The following BLM variants were observed in gnomAD, a reference collection of about 807,000 sequenced individuals.
BLM encodes the protein recQ-like DNA helicase BLM.
In BLM, 95 loss-of-function variants were observed where a neutral mutation model predicts 135.3. The ratio of observed to expected loss-of-function variants is 0.70; its 90% CI spans 0.59 to 0.83. The LOEUF (loss-of-function observed/expected upper bound fraction) is 0.83. Ranked by LOEUF, BLM falls within the 40% of genes least tolerant of loss-of-function variation. The pLI is 0.00. For missense variants in BLM, 1,518 were observed against 1,663.9 expected, an observed-to-expected ratio of 0.91 and a Z score of 1.53; for synonymous variants, 520 against 589.2, an observed-to-expected ratio of 0.88 and a Z score of 1.70.
chr15:90,759,955 ACTTT>A, intron 5 of BLM, 188 bp from the exon 6 acceptor site: 1 of 420,650 alleles, frequency 2.4e-6, no homozygotes, highest in Non-Finnish European at 4.3e-6. Context: ...AGATCTTAAG[ACTTT>A]TTTTTTTTTT....
chr15:90,735,226 T>A (rs1895177795), intron 1 of BLM, among the ~76,000 whole-genome samples: 1 of 126,746 alleles, frequency 7.9e-6, no homozygotes. Flanking sequence ...ATCATAAAAG[T>A]GCCTAAGTTA....
chr15:90,796,701 A>G (rs970356279), intron 16 of BLM, among the ~76,000 whole-genome samples: 2 of 152,224 alleles, frequency 1.3e-5, no homozygotes, highest in Non-Finnish European at 2.9e-5. Context: ...ACGTAGTGAC[A>G]GTGAAAATGC....
At chr15:90,793,120 T>C (rs1469033621) in intron 15 of BLM, among the ~76,000 whole-genome samples, 1 of 151,638 alleles carries the variant, frequency 6.6e-6, no homozygotes, top group Non-Finnish European at 1.5e-5. Context: ...AAAAATAATA[T>C]TTTTTAAAAA....
intron 20 of BLM, 67 bp downstream of exon 20, chr15:90,809,326 T>G: frequency 6.2e-7 from 1 of 1,609,810 alleles, no homozygotes; most frequent in Non-Finnish European, 8.5e-7. Flanking sequence ...CTCACTGAAT[T>G]AGAAGGATGC....
intron 5 of BLM, among the ~76,000 whole-genome samples, chr15:90,759,111 T>C (rs1259851569): frequency 1.3e-5 from 2 of 152,220 alleles, no homozygotes; most frequent in African/African-American, 4.8e-5. Context: ...ATTTATTAAA[T>C]ATTATGAAAT....
chr15:90,730,447 T>G (rs193062385), intron 1 of BLM, among the ~76,000 whole-genome samples: 17 of 152,074 alleles, frequency 1.1e-4, no homozygotes, highest in Non-Finnish European at 2.4e-4. Flanking sequence ...AGAGTTGTGT[T>G]TTTTTTTGTT....
chr15:90,793,207 C>G (rs1441292169), intron 15 of BLM, among the ~76,000 whole-genome samples: 2 of 150,280 alleles, frequency 1.3e-5, no homozygotes, highest in Non-Finnish European at 3.0e-5. Flanking sequence ...ACGATCTCAG[C>G]TCACTACAAC....
chr15:90,809,088 G>A (rs1036457560), intron 19 of BLM, 49 bp from the exon 20 acceptor site: 2 of 1,611,124 alleles, frequency 1.2e-6, no homozygotes, highest in Non-Finnish European at 1.7e-6. Flanking sequence ...AATTCAGTGG[G>A]TTTTCTATGG....
At chr15:90,756,338 T>C (rs973575226) in intron 5 of BLM, among the ~76,000 whole-genome samples, 1 of 152,044 alleles carries the variant, frequency 6.6e-6, no homozygotes, top group East Asian at 1.9e-4. Flanking sequence ...CTCCTGACCT[T>C]GTGATCCGCC....
intron 1 of BLM, among the ~76,000 whole-genome samples, chr15:90,734,738 ATTCCTAAATCCTGTATTTTATCT>A (rs1895165892): frequency 6.7e-6 from 1 of 150,270 alleles, no homozygotes; most frequent in South Asian, 2.1e-4. Context: ...GAGAGACTTT[ATTCCTAAATCCTGTATTTTATCT>A]AATAGGAAAA....
At chr15:90,778,709 G>A (rs916933580) in intron 12 of BLM, among the ~76,000 whole-genome samples, 13 of 152,038 alleles carry the variant, frequency 8.6e-5, no homozygotes, top group Non-Finnish European at 1.8e-4. Flanking sequence ...AGACGTCTAC[G>A]ACATTTTATT....
chr15:90,808,884 CCTCCTGCCCTGG>C, intron 19 of BLM: 1 of 549,788 alleles, frequency 1.8e-6, no homozygotes, highest in East Asian at 3.2e-5. Context: ...CCCTCAGCTT[CCTCCTGCCCTGG>C]CTCTTGCCCT....
At chr15:90,802,459 G>C (rs1374165968) in intron 17 of BLM, among the ~76,000 whole-genome samples, 1 of 152,210 alleles carries the variant, frequency 6.6e-6, no homozygotes, top group East Asian at 1.9e-4. Context: ...AAAGAGGGAA[G>C]TGTGTGTACA....
At position 90,763,171 on chromosome 15, in the gene BLM, G is replaced by T; in HGVS notation, c.2074+14G>T. On this transcript the variant is annotated intron_variant, in intron 8 of 21. Coordinates refer to ENST00000355112, the MANE Select transcript of BLM (RefSeq NM_000057.4). ...TGATGCCGACTGGTATGTATTTTTA[G>T]AAGTGAATTGGCAGGAATCCATTGG... 1 of 1,612,994 alleles carries T rather than the reference G, an allele frequency of 6.2e-7. No individual in the cohort carries two copies. The highest frequency in any genetic ancestry group is 8.5e-7 in the Non-Finnish European group (1 of 1,179,078).
intron 12 of BLM, among the ~76,000 whole-genome samples, chr15:90,771,693 A>G (rs1442265826): frequency 6.7e-6 from 1 of 148,664 alleles, no homozygotes; most frequent in African/African-American, 2.5e-5. Context: ...CTCCCATCTC[A>G]GCCTTCCTAA....
intron 17 of BLM, among the ~76,000 whole-genome samples, chr15:90,801,173 A>C (rs950641779): frequency 1.2e-4 from 15 of 121,556 alleles, no homozygotes; most frequent in Non-Finnish European, 2.6e-4. Context: ...TGTAAAAAAA[A>C]AAAAAGTTGG....
At chr15:90,760,483 G>T (rs562294338) in intron 6 of BLM, 111 bp from the exon 7 acceptor site, 1 of 1,326,424 alleles carries the variant, frequency 7.5e-7, no homozygotes, top group Non-Finnish European at 1.0e-6. Context: ...GGAAAAAAGC[G>T]AATATATTTT....
In BLM at chr15:90,760,984, T is replaced by C. The variant is rs1895967311; in HGVS notation, c.1611T>C (p.Thr537=). 6.2e-7 allele frequency: 1 copy of C among 1,612,170 alleles called. No individual in the cohort carries two copies. Among genetic ancestry groups the C allele is most frequent in the Non-Finnish European group, 8.5e-7 (1 of 1,179,500 alleles). ...CTGTGAAAGATCAGAATAAACATAC[T>C]GCTTCAATAAATGACTTAGAAAGAG... is the stretch of plus-strand genomic sequence containing the variant. ...STAVKDQNKH[T]ASINDLERET... Residue 537 remains threonine (T), a synonymous_variant, in exon 7 of 22, where the codon ACT becomes ACC. Coordinates refer to ENST00000355112, the MANE Select transcript of BLM (RefSeq NM_000057.4).
At chr15:90,739,865 G>A (rs2151139374) in intron 1 of BLM, among the ~76,000 whole-genome samples, 1 of 152,194 alleles carries the variant, frequency 6.6e-6, no homozygotes, top group East Asian at 1.9e-4. Flanking sequence ...TCCTGGTTGA[G>A]CAGTCCTCCC....
Sources: gnomAD v4.1 joint callset for allele counts (sites outside exome capture counted in the v4.1 genomes callset) on GRCh38, gnomAD v4.1.1 for gene constraint, MANE v1.5 for transcripts, NCBI Gene and HGNC (gene_info 2026-07-23, HGNC 2026-07-21) for gene names.